The following LYG2 variants were observed in gnomAD, a reference collection of about 807,000 sequenced individuals.
LYG2 encodes lysozyme g-like protein 2.
In LYG2, 25 loss-of-function variants were observed where a neutral mutation model predicts 22.4. The ratio of observed to expected loss-of-function variants is 1.12; its 90% CI spans 0.81 to 1.56. LYG2 has a LOEUF of 1.56. Ranked by LOEUF, LYG2 falls within the 40% of genes most tolerant of loss-of-function variation. LYG2 has a pLI of 0.00. For missense variants in LYG2, 266 were observed against 269.5 expected (o/e 0.99, Z 0.09); for synonymous variants, 88 against 97.0 (o/e 0.91, Z 0.55).
Position 99,242,367 on chromosome 2 carries a change from G to A in LYG2, c.636C>T (p.Phe212=). The change falls in exon 7 of 7, where the codon TTC becomes TTT. Residue 212 remains phenylalanine (F), a synonymous_variant. Coordinates refer to ENST00000333017, the MANE Select transcript of LYG2 (RefSeq NM_175735.4). ...TGGCCCACCCACAGAGCTTTGCCTA[G>A]AAGCTTTGTCTTTTATAGAACTTAG... ...ARAKFYKRQS[F] is the part of the protein sequence containing the mutation. The A allele has an allele frequency of 6.2e-7, 1 of 1,605,794 alleles. No individual in the cohort carries two copies. The highest frequency in any genetic ancestry group is 8.5e-7 in the Non-Finnish European group (1 of 1,173,582).
At chr2:99,261,479 T>G in the LYG2 span, among the ~76,000 whole-genome samples, 1 of 152,214 alleles carries the variant, frequency 6.6e-6, no homozygotes, top group Non-Finnish European at 1.5e-5. Context: ...CCTGCAGTCT[T>G]GATTTCTAGG....
At chr2:99,251,952 C>T (rs1396693830) in intron 3 of LYG2, among the ~76,000 whole-genome samples, 3 of 112,010 alleles carry the variant, frequency 2.7e-5, no homozygotes, top group Non-Finnish European at 4.1e-5. Flanking sequence ...CCTGCCACCA[C>T]ACCTGGCTAA....
Position 99,243,491 on chromosome 2 carries a change from CAGATAGAT to C in LYG2, c.520+500_520+507del, listed in dbSNP as rs36096004. On this transcript the variant is annotated intron_variant, in intron 6 of 6. Coordinates refer to ENST00000333017, the MANE Select transcript of LYG2 (RefSeq NM_175735.4). ...AAAAAACCTATGAGAGGTAGGCAAA[CAGATAGAT>C]AGATAGATAGATAGATAGATAGATA... The C allele has an allele frequency of 8.5e-3, 10,985 of 1,297,286 alleles. 127 individuals are homozygous for C. The highest frequency in any genetic ancestry group is 0.051 in the African/African-American group (3,320 of 65,414). 80.4% of individuals were successfully genotyped at this position (1,297,286 alleles called of 1,614,324 possible).
upstream of LYG2, among the ~76,000 whole-genome samples, chr2:99,255,792 A>G (rs2094035022): frequency 6.6e-6 from 1 of 152,184 alleles, no homozygotes; most frequent in Non-Finnish European, 1.5e-5. Context: ...ATGCAAAACC[A>G]GGGAGTAGCA....
intron 6 of LYG2, 107 bp downstream of exon 6, chr2:99,243,892 G>A: frequency 3.8e-6 from 5 of 1,321,380 alleles, no homozygotes; most frequent in Non-Finnish European, 5.4e-6. Context: ...TCCTCCCAGG[G>A]CCACTGCTGA....
Position 99,244,111 on chromosome 2 carries a change from G to A in LYG2, c.408C>T (p.Val136=), listed in dbSNP as rs140282833. The part of the protein sequence containing the change: ...MQLDKQTYHP[V]GAWDSKEHLS... ...GGTGCTCTTTGCTATCCCAGGCACC[G>A]ACAGGGTGGTACGTTTGTTTATCAA... Residue 136 remains valine (V), a synonymous_variant, in exon 6 of 7, where the codon GTC becomes GTT. Transcript: ENST00000333017. The A allele has an allele frequency of 3.9e-4, 632 of 1,613,746 alleles. No individual in the cohort carries two copies. The highest frequency in any genetic ancestry group is 5.2e-4 in the Non-Finnish European group (610 of 1,179,956).
chr2:99,249,093 A>C (rs1390121372), intron 3 of LYG2, among the ~76,000 whole-genome samples: 1 of 152,232 alleles, frequency 6.6e-6, no homozygotes, highest in Non-Finnish European at 1.5e-5. Flanking sequence ...AGGACTGTTA[A>C]CTTGTACCTT....
At chr2:99,252,441 CT>C (rs1393210426) in intron 3 of LYG2, among the ~76,000 whole-genome samples, 4 of 152,072 alleles carry the variant, frequency 2.6e-5, no homozygotes, top group Non-Finnish European at 5.9e-5. Flanking sequence ...CACTCTCTTA[CT>C]GTTCGTTCCT....
chr2:99,242,707 T>C (rs1301287467), intron 6 of LYG2, among the ~76,000 whole-genome samples: 1 of 152,232 alleles, frequency 6.6e-6, no homozygotes, highest in Non-Finnish European at 1.5e-5. Flanking sequence ...TTTTTCTTGT[T>C]GCAAAAATCA....
chr2:99,248,579 G>A (rs1467275250), intron 3 of LYG2, among the ~76,000 whole-genome samples: 1 of 142,728 alleles, frequency 7.0e-6, no homozygotes, highest in Non-Finnish European at 1.5e-5. Flanking sequence ...TCTGGGGACT[G>A]TTGTGGGGTG....
chr2:99,253,380 A>G (rs987502413), intron 3 of LYG2, among the ~76,000 whole-genome samples: 1 of 152,176 alleles, frequency 6.6e-6, no homozygotes, highest in Admixed American at 6.5e-5. Context: ...ATTTAAAACT[A>G]TGTTGCCCTG....
Position 99,246,820 on chromosome 2 carries a change from C to G in LYG2, c.44G>C (p.Gly15Ala). The stretch of plus-strand genomic sequence containing the variant: ...GAAGGGGTATGAGCCCCTGGAAGTG[C>G]CTAGGAGGCAGAAGTGTAACTCACA... The part of the protein sequence containing the change: ...VVFWGLIALI[G>A]TSRGSYPFSH... The change falls in exon 4 of 7, where the codon GGC becomes GCC. Residue 15 changes from glycine to alanine, a missense_variant and splice_region_variant. Physicochemically the swap from Gly to Ala is moderately conservative, Grantham distance 60 (BLOSUM62 0). Transcript: ENST00000333017. The G allele has an allele frequency of 6.2e-7, 1 of 1,609,526 alleles. No homozygotes were observed. The highest frequency in any genetic ancestry group is 8.5e-7 in the Non-Finnish European group (1 of 1,178,798).
At chr2:99,244,248 A>G in intron 5 of LYG2, 111 bp from the exon 6 acceptor site, 1 of 1,050,606 alleles carries the variant, frequency 9.5e-7, no homozygotes, top group Admixed American at 2.8e-5. Context: ...CTTTATCCCC[A>G]AAGAGTCAAT....
intron 3 of LYG2, among the ~76,000 whole-genome samples, chr2:99,251,610 A>T (rs1418389788): frequency 6.6e-6 from 1 of 151,998 alleles, no homozygotes; most frequent in Non-Finnish European, 1.5e-5. Flanking sequence ...AAAAATATAT[A>T]TTTTCTAGTT....
chr2:99,253,075 A>G, intron 3 of LYG2, among the ~76,000 whole-genome samples: 1 of 146,212 alleles, frequency 6.8e-6, no homozygotes, highest in East Asian at 2.1e-4. Flanking sequence ...AAAAAGGCTT[A>G]TCACTGGGCT....
intron 3 of LYG2, among the ~76,000 whole-genome samples, chr2:99,247,596 C>T (rs566155395): frequency 1.3e-5 from 2 of 152,262 alleles, no homozygotes; most frequent in South Asian, 4.1e-4. Flanking sequence ...TACCTTCCTC[C>T]CTCCCTCCTT....
intron 3 of LYG2, 84 bp from the exon 4 acceptor site, chr2:99,246,904 C>T (rs1177320036): frequency 5.3e-6 from 7 of 1,321,418 alleles, no homozygotes; most frequent in Non-Finnish European, 7.3e-6. Flanking sequence ...AAACCAAAGG[C>T]AGAAGGCCAC....
At chr2:99,252,181 G>C (rs887451148) in intron 3 of LYG2, among the ~76,000 whole-genome samples, 3 of 58,402 alleles carry the variant, frequency 5.1e-5, no homozygotes, top group Admixed American at 2.8e-4. Context: ...AGCCTCCCAA[G>C]TAGCTGGGAC....
intron 3 of LYG2, among the ~76,000 whole-genome samples, chr2:99,250,158 GTTTGTGGTCCCTTT>G (rs2094023507): frequency 6.6e-6 from 1 of 152,134 alleles, no homozygotes; most frequent in South Asian, 2.1e-4. Flanking sequence ...AAGCCTGTAT[GTTTGTGGTCCCTTT>G]TGCCTAGAAT....
Sources: gnomAD v4.1 joint callset for allele counts (sites outside exome capture counted in the v4.1 genomes callset) on GRCh38, gnomAD v4.1.1 for gene constraint, MANE v1.5 for transcripts, NCBI Gene and HGNC (gene_info 2026-07-23, HGNC 2026-07-21) for gene names.